Variants in SLC35F3 observed in about 807,000 individuals in gnomAD.
The protein encoded by SLC35F3 is putative thiamine transporter SLC35F3.
SLC35F3 carries 25 observed loss-of-function variants against 49.9 expected under a neutral mutation model. That is an observed-to-expected ratio of 0.50 (90% CI 0.37 to 0.70). SLC35F3 has a LOEUF of 0.70. Ranked by LOEUF, SLC35F3 falls within the 30% of genes least tolerant of loss-of-function variation. The pLI, the probability that SLC35F3 is intolerant of heterozygous loss-of-function variation, is 0.00. For missense variants in SLC35F3, 525 were observed against 639.8 expected (o/e 0.82, Z 1.94); for synonymous variants, 275 against 265.4 (o/e 1.04, Z -0.35).
At chr1:234,269,099 G>A (rs1001383878) in intron 3 of SLC35F3, among the ~76,000 whole-genome samples, 1 of 152,116 alleles carries the variant, frequency 6.6e-6, no homozygotes, top group African/African-American at 2.4e-5. Flanking sequence ...GCTTATTGTT[G>A]AGCATACTGT....
At chr1:234,077,397 C>T (rs1048210546) in intron 2 of SLC35F3, among the ~76,000 whole-genome samples, 2 of 152,168 alleles carry the variant, frequency 1.3e-5, no homozygotes, top group Non-Finnish European at 2.9e-5. Flanking sequence ...AAGCAAGGCA[C>T]CTTTTTCACA....
intron 2 of SLC35F3, among the ~76,000 whole-genome samples, chr1:233,973,825 G>A (rs971390029): frequency 3.9e-5 from 6 of 152,182 alleles, no homozygotes; most frequent in African/African-American, 1.4e-4. Flanking sequence ...GCTGAAACTG[G>A]TAATTTCTAA....
intron 2 of SLC35F3, among the ~76,000 whole-genome samples, chr1:234,086,280 A>C (rs1467867726): frequency 1.3e-5 from 2 of 152,214 alleles, no homozygotes; most frequent in East Asian, 3.8e-4. Context: ...GTTCAAGCTT[A>C]AGGTGCATTC....
intron 2 of SLC35F3, among the ~76,000 whole-genome samples, chr1:233,928,021 A>G (rs1313060012): frequency 2.6e-5 from 4 of 151,998 alleles, no homozygotes; most frequent in Non-Finnish European, 5.9e-5. Flanking sequence ...ATTTTTTTTC[A>G]GAAGTCTTTT....
intron 2 of SLC35F3, among the ~76,000 whole-genome samples, chr1:234,032,179 G>A (rs768844868): frequency 1.2e-4 from 18 of 151,824 alleles, no homozygotes; most frequent in African/African-American, 3.1e-4. Flanking sequence ...CTCTGTGTTC[G>A]TATGATCCCC....
intron 2 of SLC35F3, among the ~76,000 whole-genome samples, chr1:233,922,049 A>G (rs1662071449): frequency 6.6e-6 from 1 of 152,162 alleles, no homozygotes; most frequent in East Asian, 1.9e-4. Flanking sequence ...TCATTGTTGG[A>G]CATTTGGCTT....
rs1665494116 is a variant in SLC35F3, at chr1:234,116,749, A to G, written c.284-114668A>G. 1.3e-5 allele frequency among the ~76,000 whole-genome samples: 2 copies of G among 152,100 alleles called. 1 individual carries two copies. Among genetic ancestry groups the G allele is most frequent in the African/African-American group, 4.8e-5 (2 of 41,408 alleles). ...GGCTGGTCATGAACTCCTGACCTCAAGTGATCCACCCGCCTTGGCCTCCCA... is the reference window on the plus strand; with the variant it reads ...GGCTGGTCATGAACTCCTGACCTCAGGTGATCCACCCGCCTTGGCCTCCCA... On this transcript the variant is annotated intron_variant, in intron 2 of 7. Transcript: ENST00000366618.
At chr1:234,083,950 G>A (rs1664921100) in intron 2 of SLC35F3, among the ~76,000 whole-genome samples, 1 of 151,248 alleles carries the variant, frequency 6.6e-6, no homozygotes, top group Non-Finnish European at 1.5e-5. Context: ...CGATTCTCCT[G>A]CCTCAGCCTC....
intron 2 of SLC35F3, among the ~76,000 whole-genome samples, chr1:234,164,662 C>T (rs1666286530): frequency 6.6e-6 from 1 of 152,086 alleles, no homozygotes; most frequent in African/African-American, 2.4e-5. Context: ...CCTGCTGGCC[C>T]ATCACAGCTA....
In SLC35F3 at chr1:234,214,554, T is replaced by C; in HGVS notation, c.284-16863T>C. 1 of 1,559,168 alleles carries C rather than the reference T, an allele frequency of 6.4e-7. No homozygotes were observed. The highest frequency in any genetic ancestry group is 1.4e-5 in the African/African-American group (1 of 71,688). On this transcript the variant is annotated intron_variant, in intron 2 of 7. Transcript: ENST00000366618. The surrounding 1 kb of genome is among the most constrained non-coding windows in gnomAD (Gnocchi z 8.0). Reference sequence around the variant, plus strand: ...CTCAGCGCCTGCAACAGTCCGGTCCTGACCCTTACCAAAGTGGAAGGTAAT... The same window carrying C: ...CTCAGCGCCTGCAACAGTCCGGTCCCGACCCTTACCAAAGTGGAAGGTAAT...
chr1:234,001,688 G>T (rs1663556093), intron 2 of SLC35F3, among the ~76,000 whole-genome samples: 1 of 151,598 alleles, frequency 6.6e-6, no homozygotes, highest in Non-Finnish European at 1.5e-5. Flanking sequence ...TACAGGTTCT[G>T]CAGTTTAAGA....
In SLC35F3 at chr1:234,318,737, G is replaced by T. The variant is rs1657549595; in HGVS notation, c.955-14G>T. On this transcript the variant is annotated splice_polypyrimidine_tract_variant and intron_variant, in intron 5 of 7. Transcript: ENST00000366618. ...GTGAGCCTTCACCCCGTCCTCCTCT[G>T]CTTTCTCCTACAGGTTTTGTTCAAG... is the stretch of plus-strand genomic sequence containing the variant. 2 of 1,611,730 alleles carry T rather than the reference G, an allele frequency of 1.2e-6. No individual in the cohort carries two copies. The highest frequency in any genetic ancestry group is 1.7e-6 in the Non-Finnish European group (2 of 1,178,824).
At chr1:233,999,589 T>C (rs1396465951) in intron 2 of SLC35F3, among the ~76,000 whole-genome samples, 1 of 152,114 alleles carries the variant, frequency 6.6e-6, no homozygotes, top group East Asian at 1.9e-4. Flanking sequence ...TGTTTCCTGT[T>C]TCGCTTCCCA....
At chr1:234,035,345 G>C (rs577160289) in intron 2 of SLC35F3, among the ~76,000 whole-genome samples, 5 of 152,126 alleles carry the variant, frequency 3.3e-5, no homozygotes, top group Non-Finnish European at 7.4e-5. Flanking sequence ...AATTGTTATT[G>C]AGAAGTCGGA....
At chr1:234,172,434 C>T (rs958470674) in intron 2 of SLC35F3, among the ~76,000 whole-genome samples, 1 of 152,080 alleles carries the variant, frequency 6.6e-6, no homozygotes, top group African/African-American at 2.4e-5. Context: ...ACTGTGTTGG[C>T]CAGGCTGGTC....
At chr1:234,073,133 G>T (rs1230859697) in intron 2 of SLC35F3, among the ~76,000 whole-genome samples, 3 of 152,122 alleles carry the variant, frequency 2.0e-5, no homozygotes, top group Admixed American at 2.0e-4. Context: ...AGATATGCTA[G>T]CTTCTATTTC....
intron 2 of SLC35F3, among the ~76,000 whole-genome samples, chr1:234,085,427 T>G (rs1186134969): frequency 6.6e-6 from 1 of 152,234 alleles, no homozygotes; most frequent in Non-Finnish European, 1.5e-5. Context: ...TTGGGATTTC[T>G]GCCCAGCCAG....
At chr1:234,321,800 T>C (rs1484248990) in intron 7 of SLC35F3, among the ~76,000 whole-genome samples, 1 of 152,152 alleles carries the variant, frequency 6.6e-6, no homozygotes, top group Non-Finnish European at 1.5e-5. Context: ...TGCCTGGCTT[T>C]TGGGTTCTCC....
chr1:234,312,542 C>T (rs557206084), intron 4 of SLC35F3, among the ~76,000 whole-genome samples: 13 of 152,310 alleles, frequency 8.5e-5, no homozygotes, highest in African/African-American at 2.9e-4. Context: ...GCAACCTGAG[C>T]CCAGCATGGG....
Sources: gnomAD v4.1 joint callset for allele counts (sites outside exome capture counted in the v4.1 genomes callset) on GRCh38, gnomAD v4.1.1 for gene constraint, Gnocchi (gnomAD v3.1) non-coding constraint, MANE v1.5 for transcripts, NCBI Gene and HGNC (gene_info 2026-07-23, HGNC 2026-07-21) for gene names.